The following CASZ1 variants were observed in gnomAD, a reference collection of about 807,000 sequenced individuals.
The protein encoded by CASZ1 is zinc finger protein castor homolog 1.
A neutral mutation model predicts 135.2 loss-of-function variants in CASZ1; 28 were observed. The ratio of observed to expected loss-of-function variants is 0.21; its 90% CI spans 0.15 to 0.28. CASZ1 has a LOEUF of 0.28. Among genes scored for constraint, CASZ1 ranks in the 10% least tolerant of loss-of-function variants. CASZ1 has a pLI of 1.00. For missense variants in CASZ1, 2,161 were observed against 2,453.3 expected, an observed-to-expected ratio of 0.88 and a Z score of 2.52; for synonymous variants, 1,068 against 1,073.4, an observed-to-expected ratio of 0.99 and a Z score of 0.10.
At chr1:10,659,608 G>A in intron 6 of CASZ1, 94 bp downstream of exon 6, 1 of 945,980 alleles carries the variant, frequency 1.1e-6, no homozygotes. Flanking sequence ...AGCGGCAGGT[G>A]TGTCCTCAAG....
chr1:10,638,246 G>A lies in CASZ1; in HGVS notation c.*696C>T, dbSNP rs1642059925. 1 of 152,360 alleles carries A rather than the reference G, an allele frequency of 6.6e-6. No individual in the cohort carries two copies. The highest frequency in any genetic ancestry group is 2.4e-5 in the African/African-American group (1 of 41,474). 9.4% of individuals were successfully genotyped at this position (152,360 alleles called of 1,614,324 possible). ...CTGTTTGCACCACCAGGGTGGCCGA[G>A]ACCCCGCCCCGGCCCCCAGCGGGCT... On this transcript the variant is annotated 3_prime_UTR_variant, in exon 21 of 21. Coordinates refer to ENST00000377022, the MANE Select transcript of CASZ1 (RefSeq NM_001079843.3). This position sits in a 1 kb window ranked among gnomAD's most constrained non-coding sequence, Gnocchi z 5.9.
chr1:10,698,756 G>A (rs1379247032), intron 3 of CASZ1, among the ~76,000 whole-genome samples: 2 of 152,148 alleles, frequency 1.3e-5, no homozygotes, highest in South Asian at 2.1e-4. Flanking sequence ...CAACCCCAGC[G>A]AGCTCCTCCA....
At position 10,660,493 on chromosome 1, in the gene CASZ1, G is replaced by T. The variant is rs756337353; in HGVS notation, c.549C>A (p.Thr183=). 6.2e-7 allele frequency: 1 copy of T among 1,613,924 alleles called. No homozygotes were observed. The part of the protein sequence containing the change: ...SLRDYAASTM[T]EFLGMFGYDD... ...CATAGCCAAACATGCCGAGGAACTC[G>T]GTCATGGTGGAGGCCGCGTAGTCCC... The change falls in exon 6 of 21, where the codon ACC becomes ACA. Residue 183 remains threonine (T), a synonymous_variant. Coordinates refer to ENST00000377022, the MANE Select transcript of CASZ1 (RefSeq NM_001079843.3).
chr1:10,783,651 T>A (rs1427499939), intron 1 of CASZ1, among the ~76,000 whole-genome samples: 2 of 151,846 alleles, frequency 1.3e-5, no homozygotes, highest in Admixed American at 1.3e-4. Context: ...GGTGGGTGGA[T>A]CACTTGAGGT....
intron 2 of CASZ1, among the ~76,000 whole-genome samples, chr1:10,729,123 A>T (rs993868715): frequency 3.0e-5 from 4 of 131,734 alleles, no homozygotes; most frequent in African/African-American, 5.6e-5. Flanking sequence ...AGGGGTGGGG[A>T]GGAGGGGGCG....
chr1:10,724,691 C>G lies in CASZ1; in HGVS notation c.-76-19147G>C, dbSNP rs1235121560. Reference sequence around the variant, plus strand: ...CACGAGCTCCAAGGTTGCCCCTGGTCTTCGCTCAGAGGGGCACCCCAAGGG... The same window carrying G: ...CACGAGCTCCAAGGTTGCCCCTGGTGTTCGCTCAGAGGGGCACCCCAAGGG... On this transcript the variant is annotated intron_variant, in intron 2 of 20. Coordinates refer to ENST00000377022, the MANE Select transcript of CASZ1 (RefSeq NM_001079843.3). This position sits in a 1 kb window ranked among gnomAD's most constrained non-coding sequence, Gnocchi z 4.1. Among the ~76,000 whole-genome samples the G allele has an allele frequency of 1.3e-5, 2 of 152,196 alleles. No individual in the cohort carries two copies. Among genetic ancestry groups the G allele is most frequent in the Non-Finnish European group, 2.9e-5 (2 of 68,030 alleles).
intron 2 of CASZ1, among the ~76,000 whole-genome samples, chr1:10,732,865 A>T (rs1639727355): frequency 1.3e-5 from 2 of 152,270 alleles, no homozygotes; most frequent in African/African-American, 4.8e-5. Flanking sequence ...AGAGCCGAAC[A>T]GGGAGTCTTG....
rs1187009961 is a variant in CASZ1 at position 10,701,670 on chromosome 1, C to T, written c.-24+3822G>A. Among the ~76,000 whole-genome samples the T allele has an allele frequency of 6.6e-6, 1 of 152,236 alleles. No individual in the cohort carries two copies. Among genetic ancestry groups the T allele is most frequent in the Non-Finnish European group, 1.5e-5 (1 of 68,034 alleles). On this transcript the variant is annotated intron_variant, in intron 3 of 20. Transcript: ENST00000377022. The surrounding 1 kb of genome is among the most constrained non-coding windows in gnomAD (Gnocchi z 6.3). ...CCTGACACTAATGTATTCAACCTGA[C>T]ATCCCATCTTGTCGTGAATGAAGAC...
intron 1 of CASZ1, among the ~76,000 whole-genome samples, chr1:10,785,764 A>C (rs776909): frequency 0.78 from 118,190 of 152,206 alleles, 46,158 homozygotes; most frequent in Non-Finnish European, 0.82. Flanking sequence ...CAAGACCCAA[A>C]TGAGGCTCAG....
intron 4 of CASZ1, 107 bp downstream of exon 4, chr1:10,693,757 ACCCTCCCGGC>A: frequency 8.1e-6 from 4 of 496,404 alleles, no homozygotes; most frequent in Non-Finnish European, 1.2e-5. Flanking sequence ...CAGCCGCCCG[ACCCTCCCGGC>A]CCCCACCCGG....
chr1:10,677,118 G>GGCA (rs1638249343), intron 4 of CASZ1, among the ~76,000 whole-genome samples: 1 of 152,238 alleles, frequency 6.6e-6, no homozygotes, highest in African/African-American at 2.4e-5. Context: ...TCACGGTGAG[G>GGCA]GCAGAGTGGA....
At chr1:10,693,791 T>G in intron 4 of CASZ1, 83 bp downstream of exon 4, 5 of 531,788 alleles carry the variant, frequency 9.4e-6, no homozygotes, top group Non-Finnish European at 1.3e-5. Flanking sequence ...CGCCGCCACC[T>G]CATTGGGCTA....
chr1:10,654,349 C>T lies in CASZ1; in HGVS notation c.1838+70G>A, dbSNP rs755730989. On this transcript the variant is annotated intron_variant, in intron 10 of 20. Coordinates refer to ENST00000377022, the MANE Select transcript of CASZ1 (RefSeq NM_001079843.3). ...CACCGAGGCAGGGGCCTGAGCCGTC[C>T]CACGAGCCTGGGTCCTTGCCTTCCC... 3.3e-4 allele frequency: 527 copies of T among 1,584,852 alleles called. 1 individual carries two copies. The highest frequency in any genetic ancestry group is 4.3e-4 in the Non-Finnish European group (504 of 1,164,762).
intron 2 of CASZ1, among the ~76,000 whole-genome samples, chr1:10,734,513 G>A (rs1456744317): frequency 3.3e-5 from 5 of 152,072 alleles, no homozygotes; most frequent in African/African-American, 1.2e-4. Context: ...TAGGGCATGT[G>A]GATTAGCTCG....
At chr1:10,732,721 GA>G (rs1438655574) in intron 2 of CASZ1, among the ~76,000 whole-genome samples, 2 of 152,200 alleles carry the variant, frequency 1.3e-5, no homozygotes, top group Non-Finnish European at 2.9e-5. Flanking sequence ...CCTTGGACTT[GA>G]AAAGGGTCTG....
chr1:10,655,711 A>T lies in CASZ1; in HGVS notation c.1603T>A (p.Cys535Ser). 6.2e-7 allele frequency: 1 copy of T among 1,614,166 alleles called. No individual in the cohort carries two copies. Among genetic ancestry groups the T allele is most frequent in the Non-Finnish European group, 8.5e-7 (1 of 1,179,980 alleles). ...TGGCAGCCGTGGTAGTAGACGCTGC[A>T]GTCGTCCAGCGGGCTGAAACGCATG... ...GFMRFSPLDD[C>S]SVYYHGCHLN... Residue 535 changes from cysteine (C) to serine (S), a missense_variant, in exon 9 of 21, where the codon TGC becomes AGC. Physicochemically the swap from Cys to Ser is moderately radical, Grantham distance 112. Transcript: ENST00000377022.
intron 2 of CASZ1, among the ~76,000 whole-genome samples, chr1:10,750,942 G>A (rs964677337): frequency 6.0e-5 from 9 of 151,106 alleles, no homozygotes; most frequent in African/African-American, 1.9e-4. Flanking sequence ...AAAAATAAAA[G>A]GAGGCTGAGC....
chr1:10,762,297 G>A lies in CASZ1; in HGVS notation c.-233-1440C>T, dbSNP rs921934911. Among the ~76,000 whole-genome samples the A allele has an allele frequency of 6.6e-6, 1 of 151,910 alleles. No homozygotes were observed. Among genetic ancestry groups the A allele is most frequent in the Non-Finnish European group, 1.5e-5 (1 of 67,960 alleles). ...CAGCCCAGCTCCCATCCCACCCCTC[G>A]GCGCCACACAGGGTTAACAGCGGGT... On this transcript the variant is annotated intron_variant, in intron 1 of 20. Coordinates refer to ENST00000377022, the MANE Select transcript of CASZ1 (RefSeq NM_001079843.3). The surrounding 1 kb of genome is among the most constrained non-coding windows in gnomAD (Gnocchi z 4.1).
At chr1:10,744,640 C>T (rs1271910940) in intron 2 of CASZ1, among the ~76,000 whole-genome samples, 1 of 42,006 alleles carries the variant, frequency 2.4e-5, no homozygotes, top group Non-Finnish European at 4.4e-5. Flanking sequence ...CTGGGCACCA[C>T]GAGCAGGCAT....
Sources: allele counts gnomAD v4.1 joint callset (sites outside exome capture counted in the v4.1 genomes callset), GRCh38; gene constraint gnomAD v4.1.1; non-coding constraint Gnocchi (gnomAD v3.1); transcripts MANE v1.5; gene names NCBI Gene and HGNC (gene_info 2026-07-23, HGNC 2026-07-21).